MED13L: variants seen among roughly 807,000 people sequenced by gnomAD.
MED13L encodes mediator of RNA polymerase II transcription subunit 13-like.
In MED13L, 7 loss-of-function variants were observed where a neutral mutation model predicts 220.9. The observed-to-expected ratio is 0.03, with a 90% CI of 0.02 to 0.06. MED13L has a LOEUF of 0.06. Ranked by LOEUF, MED13L falls within the 10% of genes least tolerant of loss-of-function variation. The pLI, the probability that MED13L is intolerant of heterozygous loss-of-function variation, is 1.00. For missense variants in MED13L, 1,965 were observed against 2,760.5 expected, an observed-to-expected ratio of 0.71 and a Z score of 6.46; for synonymous variants, 1,011 against 1,015.2, an observed-to-expected ratio of 1.00 and a Z score of 0.08.
At chr12:116,148,051 CAA>C (rs10678970) in intron 2 of MED13L, among the ~76,000 whole-genome samples, 17 of 18,140 alleles carry the variant, frequency 9.4e-4, no homozygotes, top group East Asian at 2.0e-3. Flanking sequence ...GACCCCATCT[CAA>C]AAAAAAAAAA....
intron 2 of MED13L, among the ~76,000 whole-genome samples, chr12:116,221,253 T>TA (rs1473330712): frequency 5.9e-5 from 9 of 151,814 alleles, no homozygotes; most frequent in Admixed American, 3.3e-4. Context: ...TACATGCCTA[T>TA]AGTCTCAGCT....
Position 116,277,075 on chromosome 12 carries a change from G to A in MED13L, c.57C>T (p.Ser19=). ...ANGASLEDCH[S]NLFSLAELTG... is the part of the protein sequence containing the mutation. ...GGCTACTCACCAGCGAAAAGAGGTTGGAGTGACAATCCTCCAGGCTCGCCC... is the reference window on the plus strand; with the variant it reads ...GGCTACTCACCAGCGAAAAGAGGTTAGAGTGACAATCCTCCAGGCTCGCCC... The change falls in exon 1 of 31, where the codon TCC becomes TCT. Residue 19 remains serine (S), a synonymous_variant. Transcript: ENST00000281928. 1.3e-6 allele frequency: 2 copies of A among 1,591,138 alleles called. No individual in the cohort carries two copies. Among genetic ancestry groups the A allele is most frequent in the Non-Finnish European group, 1.7e-6 (2 of 1,169,858 alleles).
chr12:116,194,463 C>A (rs146711964), intron 2 of MED13L, among the ~76,000 whole-genome samples: 52 of 151,962 alleles, frequency 3.4e-4, no homozygotes, highest in African/African-American at 1.2e-3. Flanking sequence ...CCACTCCCAG[C>A]CACCCCTACT....
chr12:116,194,520 G>T (rs1344868225), intron 2 of MED13L, among the ~76,000 whole-genome samples: 1 of 152,052 alleles, frequency 6.6e-6, no homozygotes, highest in African/African-American at 2.4e-5. Context: ...AAATCATTCA[G>T]GACTACTTCA....
chr12:116,235,726 C>T (rs1419622635), intron 2 of MED13L, among the ~76,000 whole-genome samples: 1 of 152,084 alleles, frequency 6.6e-6, no homozygotes, highest in East Asian at 1.9e-4. Context: ...AAAAATAACA[C>T]AATAATTTAA....
chr12:116,061,573 C>G (rs915093199), intron 4 of MED13L, among the ~76,000 whole-genome samples: 1 of 152,022 alleles, frequency 6.6e-6, no homozygotes, highest in Non-Finnish European at 1.5e-5. Flanking sequence ...ATGATAGTTA[C>G]TAAAATTAAG....
chr12:116,228,570 C>G (rs1188823124), intron 2 of MED13L, among the ~76,000 whole-genome samples: 1 of 152,200 alleles, frequency 6.6e-6, no homozygotes, highest in East Asian at 1.9e-4. Flanking sequence ...CCCACTTCCT[C>G]TTTCCTAAGA....
At chr12:116,077,378 A>G (rs1211626725) in intron 4 of MED13L, among the ~76,000 whole-genome samples, 1 of 152,242 alleles carries the variant, frequency 6.6e-6, no homozygotes, top group African/African-American at 2.4e-5. Flanking sequence ...AGAGCTACTC[A>G]TAGAATATAG....
At chr12:116,251,837 T>A (rs1243312522) in intron 1 of MED13L, among the ~76,000 whole-genome samples, 1 of 150,786 alleles carries the variant, frequency 6.6e-6, no homozygotes, top group Non-Finnish European at 1.5e-5. Context: ...ATATTTACGT[T>A]GAGAGTGAAA....
At chr12:116,251,027 T>C (rs1168280810) in intron 1 of MED13L, among the ~76,000 whole-genome samples, 3 of 151,550 alleles carry the variant, frequency 2.0e-5, no homozygotes, top group African/African-American at 7.3e-5. Flanking sequence ...TATAAACCCT[T>C]GATCAATCCC....
chr12:116,083,159 C>A (rs1284212593), intron 4 of MED13L, among the ~76,000 whole-genome samples: 1 of 152,114 alleles, frequency 6.6e-6, no homozygotes, highest in Non-Finnish European at 1.5e-5. Context: ...GTAATCCCAG[C>A]ACTTTGGGAG....
At chr12:116,216,262 T>G (rs1350873294) in intron 2 of MED13L, among the ~76,000 whole-genome samples, 1 of 152,154 alleles carries the variant, frequency 6.6e-6, no homozygotes, top group Non-Finnish European at 1.5e-5. Flanking sequence ...CCTCCAGCCT[T>G]GGCCTCCCAG....
intron 9 of MED13L, among the ~76,000 whole-genome samples, chr12:116,012,063 A>G (rs1489066931): frequency 2.0e-5 from 3 of 152,232 alleles, no homozygotes; most frequent in African/African-American, 2.4e-5. Flanking sequence ...TTGAAAGTGT[A>G]TATTTCAGAA....
intron 8 of MED13L, among the ~76,000 whole-genome samples, chr12:116,013,685 T>C (rs892144307): frequency 1.3e-5 from 2 of 152,244 alleles, no homozygotes; most frequent in African/African-American, 4.8e-5. Flanking sequence ...TACATATCAC[T>C]GATAATTGGT....
intron 2 of MED13L, among the ~76,000 whole-genome samples, chr12:116,165,709 T>G (rs530306884): frequency 6.6e-6 from 1 of 152,182 alleles, no homozygotes; most frequent in Non-Finnish European, 1.5e-5. Context: ...CCTGTCTCGT[T>G]GCCCAACCAC....
intron 1 of MED13L, among the ~76,000 whole-genome samples, chr12:116,255,881 C>T (rs895175626): frequency 6.6e-6 from 1 of 152,216 alleles, no homozygotes; most frequent in African/African-American, 2.4e-5. Context: ...GCCAACATGA[C>T]ACTCAAAGGA....
chr12:116,104,742 G>GA (rs769680149), intron 3 of MED13L, among the ~76,000 whole-genome samples: 19 of 152,002 alleles, frequency 1.2e-4, no homozygotes, highest in African/African-American at 1.9e-4. Flanking sequence ...GCATTTCAGA[G>GA]AAAAAAATGA....
intron 1 of MED13L, among the ~76,000 whole-genome samples, chr12:116,258,702 G>A (rs767093888): frequency 8.6e-5 from 13 of 151,184 alleles, no homozygotes; most frequent in Middle Eastern, 6.8e-3. Flanking sequence ...ACTTGAACCC[G>A]GGAGGCAGAG....
chr12:116,230,441 T>A (rs765860348), intron 2 of MED13L: 24 of 971,994 alleles, frequency 2.5e-5, no homozygotes, highest in Non-Finnish European at 2.8e-5. Context: ...ACTTTTCAGG[T>A]GCACTGTGAT....
Sources: gnomAD v4.1 joint callset for allele counts (sites outside exome capture counted in the v4.1 genomes callset) on GRCh38, gnomAD v4.1.1 for gene constraint, MANE v1.5 for transcripts, NCBI Gene and HGNC (gene_info 2026-07-23, HGNC 2026-07-21) for gene names.